DLGAP1: variants seen among roughly 807,000 people sequenced by gnomAD.
DLGAP1 encodes DLG associated protein 1.
In DLGAP1, 11 loss-of-function variants were observed where a neutral mutation model predicts 90.8. The observed-to-expected ratio is 0.12, with a 90% CI of 0.08 to 0.20. DLGAP1 has a LOEUF of 0.20. Ranked by LOEUF, DLGAP1 falls within the 10% of genes least tolerant of loss-of-function variation. The pLI is 1.00. For synonymous variants in DLGAP1, 558 were observed against 540.7 expected (o/e 1.03, Z -0.44); for missense variants, 1,050 against 1,333.8 (o/e 0.79, Z 3.31).
intron 3 of DLGAP1, chr18:3,978,303 T>A (rs1016190067): frequency 1.2e-5 from 5 of 403,728 alleles, no homozygotes; most frequent in African/African-American, 2.1e-5. Context: ...GCCTTCTCCA[T>A]GGTCATGAAG....
chr18:4,274,749 G>C (rs1345145294), intron 1 of DLGAP1, among the ~76,000 whole-genome samples: 2 of 152,064 alleles, frequency 1.3e-5, no homozygotes, highest in Non-Finnish European at 2.9e-5. Context: ...TGAAAACCCC[G>C]CTTTTAGTAG....
At chr18:4,364,640 C>T (rs1201041812) in intron 1 of DLGAP1, among the ~76,000 whole-genome samples, 1 of 151,818 alleles carries the variant, frequency 6.6e-6, no homozygotes, top group Non-Finnish European at 1.5e-5. Flanking sequence ...AATGGTTTTT[C>T]GTGTCTCAAT....
chr18:3,763,360 AAGATTTT>A (rs1231271904), intron 5 of DLGAP1, among the ~76,000 whole-genome samples: 5 of 152,144 alleles, frequency 3.3e-5, no homozygotes, highest in African/African-American at 1.2e-4. Flanking sequence ...CCCTACTTTT[AAGATTTT>A]GGGGCTTGGA....
At chr18:3,795,769 G>C (rs2065961377) in intron 5 of DLGAP1, among the ~76,000 whole-genome samples, 1 of 152,140 alleles carries the variant, frequency 6.6e-6, no homozygotes, top group Non-Finnish European at 1.5e-5. Context: ...GAGATAGATA[G>C]ATAGGCACAT....
In DLGAP1 at chr18:3,958,265, C is replaced by CT. The variant is rs2073122353; in HGVS notation, c.-73+46850dup. 2.0e-5 allele frequency among the ~76,000 whole-genome samples: 3 copies of CT among 151,762 alleles called. No homozygotes were observed. The South Asian group carries it at 6.3e-4, about 32-fold the overall frequency. ...ATATGGAAGCAGGGGTTATGTATGC[C>CT]TGTAATCCCAAAGTGCTGGGATTAC... On this transcript the variant is annotated intron_variant, in intron 3 of 12. Transcript: ENST00000315677.
chr18:4,288,404 G>A (rs1234742652), intron 1 of DLGAP1, among the ~76,000 whole-genome samples: 6 of 152,170 alleles, frequency 3.9e-5, no homozygotes, highest in Non-Finnish European at 1.5e-5. Context: ...GCAAAAGCCA[G>A]AAGCAAGAGA....
chr18:3,582,399 CT>C, intron 7 of DLGAP1, 151 bp from the exon 8 acceptor site: 2 of 1,277,508 alleles, frequency 1.6e-6, no homozygotes, highest in Non-Finnish European at 2.1e-6. Flanking sequence ...GAGACCCCTG[CT>C]CTCCGGAGGT....
At chr18:3,509,717 C>T (rs948161384) in intron 10 of DLGAP1, among the ~76,000 whole-genome samples, 6 of 152,216 alleles carry the variant, frequency 3.9e-5, no homozygotes, top group Non-Finnish European at 8.8e-5. Flanking sequence ...ATAAGCCTTT[C>T]TCAACCTCAT....
chr18:4,037,116 G>A (rs1026639239), intron 2 of DLGAP1, among the ~76,000 whole-genome samples: 15 of 152,296 alleles, frequency 9.8e-5, no homozygotes, highest in African/African-American at 3.6e-4. Flanking sequence ...AGGCAAAGTT[G>A]TACTTCAGAA....
intron 1 of DLGAP1, among the ~76,000 whole-genome samples, chr18:4,260,082 A>G (rs1264326848): frequency 5.9e-5 from 9 of 152,218 alleles, no homozygotes; most frequent in Non-Finnish European, 1.2e-4. Context: ...AGAAGCACCT[A>G]TTTTATGGTT....
chr18:4,016,020 C>A (rs1442739006), intron 2 of DLGAP1, among the ~76,000 whole-genome samples: 1 of 152,174 alleles, frequency 6.6e-6, no homozygotes, highest in African/African-American at 2.4e-5. Context: ...TCAGAAAATT[C>A]ATTAATTTTC....
At chr18:4,108,399 C>T (rs7506128) in intron 2 of DLGAP1, among the ~76,000 whole-genome samples, 68,393 of 151,962 alleles carry the variant, frequency 0.45, 15,607 homozygotes, top group Middle Eastern at 0.53. Context: ...AAGGCTCCTA[C>T]GTCAGGTAAA....
At chr18:4,000,118 T>C (rs1048343239) in intron 3 of DLGAP1, among the ~76,000 whole-genome samples, 2 of 152,174 alleles carry the variant, frequency 1.3e-5, no homozygotes, top group Admixed American at 6.5e-5. Context: ...CCCAGCCTCT[T>C]TTTGTATTTA....
intron 5 of DLGAP1, among the ~76,000 whole-genome samples, chr18:3,812,453 C>T (rs890019909): frequency 1.4e-4 from 21 of 151,742 alleles, no homozygotes; most frequent in African/African-American, 4.8e-4. Flanking sequence ...AGTCCTAACT[C>T]CTACTATCGG....
intron 5 of DLGAP1, among the ~76,000 whole-genome samples, chr18:3,765,703 A>G (rs2064212024): frequency 4.0e-5 from 6 of 151,870 alleles, no homozygotes; most frequent in Admixed American, 3.9e-4. Flanking sequence ...GCGTGGTGGC[A>G]GGCACCTGTG....
At chr18:4,196,192 A>T (rs1375037604) in intron 1 of DLGAP1, among the ~76,000 whole-genome samples, 1 of 152,176 alleles carries the variant, frequency 6.6e-6, no homozygotes, top group Non-Finnish European at 1.5e-5. Context: ...TCTTACGGAC[A>T]TTACAGTAAA....
At chr18:3,915,550 A>G (rs2072123952) in intron 3 of DLGAP1, among the ~76,000 whole-genome samples, 1 of 152,232 alleles carries the variant, frequency 6.6e-6, no homozygotes, top group South Asian at 2.1e-4. Flanking sequence ...AATTCCAAAC[A>G]TAAGATATGA....
At chr18:3,889,851 G>A (rs906318227) in intron 3 of DLGAP1, among the ~76,000 whole-genome samples, 28 of 152,348 alleles carry the variant, frequency 1.8e-4, no homozygotes, top group Admixed American at 5.9e-4. Context: ...TGATGCTATT[G>A]AACTGTGGGG....
At chr18:4,112,516 A>C (rs2075991872) in intron 2 of DLGAP1, among the ~76,000 whole-genome samples, 1 of 152,122 alleles carries the variant, frequency 6.6e-6, no homozygotes. Flanking sequence ...AGGGTGCTGA[A>C]ACATTTATTA....
Sources: allele counts gnomAD v4.1 joint callset (sites outside exome capture counted in the v4.1 genomes callset), GRCh38; gene constraint gnomAD v4.1.1; transcripts MANE v1.5; gene names NCBI Gene and HGNC (gene_info 2026-07-23, HGNC 2026-07-21).